ADGRL2: variants seen among roughly 807,000 people sequenced by gnomAD.
ADGRL2 encodes the protein adhesion G protein-coupled receptor L2, also known as calcium-independent alpha-latrotoxin receptor 2.
In ADGRL2, 44 loss-of-function variants were observed where a neutral mutation model predicts 157.4. The observed-to-expected ratio is 0.28, with a 90% CI of 0.22 to 0.36. ADGRL2 has a LOEUF of 0.36. Ranked by LOEUF, ADGRL2 falls within the 10% of genes least tolerant of loss-of-function variation. The pLI is 1.00. For missense variants in ADGRL2, 1,510 were observed against 1,768.9 expected, an observed-to-expected ratio of 0.85 and a Z score of 2.63; for synonymous variants, 585 against 624.7, an observed-to-expected ratio of 0.94 and a Z score of 0.95.
At chr1:81,534,880 G>T (rs2079695581) in intron 2 of ADGRL2, among the ~76,000 whole-genome samples, 1 of 152,156 alleles carries the variant, frequency 6.6e-6, no homozygotes, top group South Asian at 2.1e-4. Context: ...AGAATCAAAT[G>T]CAAGTTATTT....
intron 3 of ADGRL2, among the ~76,000 whole-genome samples, chr1:81,687,981 G>A (rs1172704392): frequency 6.6e-6 from 1 of 152,140 alleles, no homozygotes; most frequent in African/African-American, 2.4e-5. Context: ...TGTTTGAGGA[G>A]GCTGAAGATA....
chr1:81,965,948 T>C (rs1179829785), intron 11 of ADGRL2, 110 bp from the exon 12 acceptor site: 3 of 1,141,490 alleles, frequency 2.6e-6, no homozygotes, highest in Non-Finnish European at 2.4e-6. Flanking sequence ...TAAAATTTTT[T>C]AAGTAGGCAA....
At chr1:81,852,520 G>A (rs776989540) in intron 2 of ADGRL2, among the ~76,000 whole-genome samples, 9 of 152,052 alleles carry the variant, frequency 5.9e-5, no homozygotes, top group Non-Finnish European at 8.8e-5. Flanking sequence ...AATTCTCCCC[G>A]ATACAACATT....
intron 3 of ADGRL2, among the ~76,000 whole-genome samples, chr1:81,621,005 A>C (rs1209023794): frequency 1.3e-5 from 2 of 152,232 alleles, no homozygotes; most frequent in Non-Finnish European, 2.9e-5. Context: ...CTTTTCCATC[A>C]GAATCTCAAC....
intron 2 of ADGRL2, among the ~76,000 whole-genome samples, chr1:81,529,658 A>G (rs534349230): frequency 6.6e-6 from 1 of 152,346 alleles, no homozygotes; most frequent in African/African-American, 2.4e-5. Context: ...TGTTGGTTGA[A>G]TCTATAGATG....
intron 2 of ADGRL2, among the ~76,000 whole-genome samples, chr1:81,467,890 T>C (rs1490533047): frequency 6.6e-6 from 1 of 152,060 alleles, no homozygotes; most frequent in Non-Finnish European, 1.5e-5. Flanking sequence ...AAATTAATCT[T>C]TTCAAATTAA....
chr1:81,851,863 A>T (rs1011871643), intron 2 of ADGRL2, among the ~76,000 whole-genome samples: 22 of 151,996 alleles, frequency 1.4e-4, no homozygotes, highest in African/African-American at 5.3e-4. Context: ...ATTTAGAAAA[A>T]GAAGTAGTAA....
intron 2 of ADGRL2, among the ~76,000 whole-genome samples, chr1:81,474,174 A>G (rs2078227313): frequency 6.6e-6 from 1 of 152,234 alleles, no homozygotes; most frequent in Non-Finnish European, 1.5e-5. Context: ...GGGATTTTGT[A>G]ATAGCTGAAA....
At chr1:81,337,598 A>C (rs906019949) in intron 1 of ADGRL2, among the ~76,000 whole-genome samples, 1 of 152,168 alleles carries the variant, frequency 6.6e-6, no homozygotes, top group Admixed American at 6.5e-5. Context: ...AAGAAGACCA[A>C]GTCTTCCCTG....
At chr1:81,584,554 T>G (rs571204430) in intron 3 of ADGRL2, among the ~76,000 whole-genome samples, 2 of 152,190 alleles carry the variant, frequency 1.3e-5, no homozygotes, top group Non-Finnish European at 2.9e-5. Flanking sequence ...TTTTGTAAGA[T>G]GTAACAGAAT....
At chr1:81,338,787 C>G (rs1661839918) in intron 1 of ADGRL2, among the ~76,000 whole-genome samples, 1 of 152,122 alleles carries the variant, frequency 6.6e-6, no homozygotes, top group Admixed American at 6.5e-5. Context: ...TCCAGACAAC[C>G]CAGAAACTGA....
intron 2 of ADGRL2, among the ~76,000 whole-genome samples, chr1:81,786,491 A>T (rs1158929420): frequency 6.6e-6 from 1 of 151,814 alleles, no homozygotes; most frequent in Non-Finnish European, 1.5e-5. Context: ...CATGAAAATC[A>T]CTTGAACCTG....
intron 2 of ADGRL2, among the ~76,000 whole-genome samples, chr1:81,564,238 C>T (rs1224484949): frequency 1.3e-5 from 2 of 152,116 alleles, no homozygotes; most frequent in African/African-American, 4.8e-5. Flanking sequence ...AGCTGTGTAA[C>T]AAATTACCCC....
chr1:81,771,382 T>G (rs2086360978), intron 2 of ADGRL2, among the ~76,000 whole-genome samples: 1 of 152,240 alleles, frequency 6.6e-6, no homozygotes, highest in South Asian at 2.1e-4. Context: ...TGAATTTCAG[T>G]TTTCATGTCC....
chr1:81,310,031 G>T (rs1284884817), intron 1 of ADGRL2, among the ~76,000 whole-genome samples: 1 of 152,016 alleles, frequency 6.6e-6, no homozygotes, highest in Non-Finnish European at 1.5e-5. Context: ...AAATATTCTG[G>T]GTAGTAGTGG....
In ADGRL2 at chr1:81,403,236, TTTG is replaced by T. The variant is rs1389150419; in HGVS notation, c.-301-41791_-301-41789del. Among the ~76,000 whole-genome samples, 118 of 39,246 alleles carry T rather than the reference TTTG, an allele frequency of 3.0e-3. 1 individual carries two copies. The highest frequency in any genetic ancestry group is 5.0e-3 in the African/African-American group (111 of 22,280). 25.7% of individuals were successfully genotyped at this position (39,246 alleles called of 152,430 possible). ...ACGTAACACTTTTCCTTGTTTTTTTTTTGTTGTTGTTTGTTTGTTTGTTTGTTT... is the reference window on the plus strand; with the variant it reads ...ACGTAACACTTTTCCTTGTTTTTTTTTTGTTGTTTGTTTGTTTGTTTGTTT... On this transcript the variant is annotated intron_variant, in intron 1 of 24. Transcript: ENST00000370721.
intron 2 of ADGRL2, among the ~76,000 whole-genome samples, chr1:81,508,102 T>C (rs745715616): frequency 6.6e-6 from 1 of 152,342 alleles, no homozygotes; most frequent in Non-Finnish European, 1.5e-5. Context: ...GCAATGCCAA[T>C]TTCAAATGCA....
At chr1:81,905,463 G>A (rs1207615562) in intron 2 of ADGRL2, among the ~76,000 whole-genome samples, 5 of 152,064 alleles carry the variant, frequency 3.3e-5, no homozygotes, top group Non-Finnish European at 7.4e-5. Flanking sequence ...TTATCAAAAC[G>A]GTAACACACT....
chr1:81,582,839 A>G (rs1321868846), intron 3 of ADGRL2, among the ~76,000 whole-genome samples: 1 of 152,162 alleles, frequency 6.6e-6, no homozygotes, highest in Non-Finnish European at 1.5e-5. Context: ...CGTGCACTTT[A>G]CCTTAAGTAC....
Sources: gnomAD v4.1 joint callset for allele counts (sites outside exome capture counted in the v4.1 genomes callset) on GRCh38, gnomAD v4.1.1 for gene constraint, MANE v1.5 for transcripts, NCBI Gene and HGNC (gene_info 2026-07-23, HGNC 2026-07-21) for gene names.